CATSPER3: variants seen among roughly 807,000 people sequenced by gnomAD.
The protein encoded by CATSPER3 is cation channel sperm-associated protein 3.
Under a neutral mutation model 36.6 loss-of-function variants are expected in CATSPER3, and 23 were observed. The observed-to-expected ratio is 0.63, with a 90% CI of 0.45 to 0.89. The LOEUF is 0.89. Among genes scored for constraint, CATSPER3 ranks in the 40% least tolerant of loss-of-function variants. The pLI is 0.00. For synonymous variants in CATSPER3, 172 were observed against 184.1 expected (o/e 0.93, Z 0.53); for missense variants, 474 against 503.9 (o/e 0.94, Z 0.57).
intron 3 of CATSPER3, among the ~76,000 whole-genome samples, chr5:135,006,836 G>GAAAAAA (rs35478061): frequency 8.8e-6 from 1 of 113,002 alleles, no homozygotes; most frequent in African/African-American, 3.9e-5. Context: ...ACTCCGTCTC[G>GAAAAAA]AAAAAAAAAA....
In CATSPER3 at chr5:134,996,324, G is replaced by T; in HGVS notation, c.304G>T (p.Val102Phe). 2 of 1,614,080 alleles carry T rather than the reference G, an allele frequency of 1.2e-6. No individual in the cohort carries two copies. Among genetic ancestry groups the T allele is most frequent in the Non-Finnish European group, 1.7e-6 (2 of 1,179,896 alleles). ...CTGCACATCTGAGTTGTCCATGAAG[G>T]TCTATGTGGACCCCATCAACTACTG... The part of the protein sequence containing the change: ...SICTSELSMK[V>F]YVDPINYWKN... Residue 102 changes from valine to phenylalanine, a missense_variant, in exon 3 of 8, where the codon GTC becomes TTC. Val to Phe is a conservative substitution (Grantham distance 50). Coordinates refer to ENST00000282611, the MANE Select transcript of CATSPER3 (RefSeq NM_178019.3).
chr5:134,983,255 G>A (rs915180724), intron 2 of CATSPER3, among the ~76,000 whole-genome samples: 2 of 152,212 alleles, frequency 1.3e-5, no homozygotes, highest in South Asian at 4.1e-4. Context: ...TTAAAAGGCA[G>A]AGATGAACAG....
rs562063395 is a variant in CATSPER3, at chr5:135,001,274, G to T, written c.492+4762G>T. Among the ~76,000 whole-genome samples, 918 of 152,294 alleles carry T rather than the reference G, an allele frequency of 6.0e-3. 10 individuals carry two copies. Among genetic ancestry groups the T allele is most frequent in the African/African-American group, 0.021 (880 of 41,564 alleles). ...TTTTGAGTGAGTTTCTTAATCCTGAGTTCTAGTTTGATTGCACTGTGGTCT... is the reference window on the plus strand; with the variant it reads ...TTTTGAGTGAGTTTCTTAATCCTGATTTCTAGTTTGATTGCACTGTGGTCT... On this transcript the variant is annotated intron_variant, in intron 3 of 7. Coordinates refer to ENST00000282611, the MANE Select transcript of CATSPER3 (RefSeq NM_178019.3).
intron 2 of CATSPER3, 126 bp from the exon 3 acceptor site, chr5:134,996,146 CT>C: frequency 8.4e-7 from 1 of 1,184,290 alleles, no homozygotes; most frequent in South Asian, 1.2e-5. Context: ...GCCAGAAACT[CT>C]GCCTGGGTTT....
intron 3 of CATSPER3, among the ~76,000 whole-genome samples, chr5:134,997,251 C>T (rs1030172776): frequency 3.9e-5 from 6 of 152,190 alleles, no homozygotes; most frequent in Non-Finnish European, 5.9e-5. Flanking sequence ...GGTGGCTGGC[C>T]GTCTAGGGCC....
intron 3 of CATSPER3, among the ~76,000 whole-genome samples, chr5:135,005,496 G>T (rs1329819726): frequency 3.9e-5 from 6 of 152,170 alleles, no homozygotes; most frequent in Admixed American, 3.9e-4. Context: ...AAGTGACCCT[G>T]GATAACATGC....
At chr5:134,990,913 A>G (rs1370751558) in intron 2 of CATSPER3, among the ~76,000 whole-genome samples, 1 of 152,250 alleles carries the variant, frequency 6.6e-6, no homozygotes, top group East Asian at 1.9e-4. Flanking sequence ...AAGTTGCAAG[A>G]TACAAGATTA....
chr5:134,968,703 AAAG>A (rs1363314202), intron 1 of CATSPER3: 8 of 152,138 alleles, frequency 5.3e-5, no homozygotes, highest in African/African-American at 1.7e-4. Context: ...AAAAAAAAAA[AAAG>A]AAAAGGAAAA....
intron 3 of CATSPER3, among the ~76,000 whole-genome samples, chr5:135,004,406 A>G (rs1439494711): frequency 2.6e-5 from 4 of 152,198 alleles, no homozygotes; most frequent in African/African-American, 9.6e-5. Context: ...CAGGCTACAG[A>G]CAGACCTTGC....
chr5:134,982,381 G>C (rs114242621), intron 2 of CATSPER3, among the ~76,000 whole-genome samples: 2,106 of 152,126 alleles, frequency 0.014, 33 homozygotes, highest in African/African-American at 0.048. Flanking sequence ...AACATAAAAA[G>C]AGCCACACTA....
chr5:134,979,328 G>A (rs528397905), intron 2 of CATSPER3, among the ~76,000 whole-genome samples: 1 of 152,130 alleles, frequency 6.6e-6, no homozygotes, highest in South Asian at 2.1e-4. Context: ...GTAGAGATGG[G>A]GTCTCGCTAT....
intron 3 of CATSPER3, among the ~76,000 whole-genome samples, chr5:135,003,775 G>T (rs1752050451): frequency 6.6e-6 from 1 of 152,228 alleles, no homozygotes; most frequent in Non-Finnish European, 1.5e-5. Flanking sequence ...TTAATCTCCT[G>T]GTGTGCCATT....
At chr5:134,968,384 T>C (rs1457415735) in intron 1 of CATSPER3, 24 of 383,898 alleles carry the variant, frequency 6.3e-5, no homozygotes, top group South Asian at 5.4e-4. Flanking sequence ...ATTACATATC[T>C]TGATATATTA....
intron 2 of CATSPER3, among the ~76,000 whole-genome samples, chr5:134,989,110 G>T (rs1462951236): frequency 6.6e-6 from 1 of 152,104 alleles, no homozygotes; most frequent in Non-Finnish European, 1.5e-5. Flanking sequence ...CTGAGCAATA[G>T]GTCTCAACAG....
chr5:134,982,437 T>C (rs1250250968), intron 2 of CATSPER3, among the ~76,000 whole-genome samples: 2 of 152,188 alleles, frequency 1.3e-5, no homozygotes, highest in Non-Finnish European at 2.9e-5. Flanking sequence ...AGTGAGAATC[T>C]TGAAAACAGC....
rs760354968 is a variant in CATSPER3, at chr5:134,967,949, G to C, written c.-43G>C. On this transcript the variant is annotated 5_prime_UTR_variant, in exon 1 of 8. Transcript: ENST00000282611. ...GAAAATCCCTAAGCAGAGATTTTCT[G>C]TTGGATGCTAAAAGCAAGGAATAAA... 25 of 1,441,718 alleles carry C rather than the reference G, an allele frequency of 1.7e-5. No homozygotes were observed. Among genetic ancestry groups the C allele is most frequent in the Non-Finnish European group, 2.4e-5 (25 of 1,023,224 alleles). The allele number at this position is 1,441,718 out of a possible 1,614,324, so 89.3% of individuals were successfully genotyped here.
In CATSPER3 at chr5:135,008,045, T is replaced by G. The variant is rs149130443; in HGVS notation, c.581T>G (p.Leu194Trp). Residue 194 changes from leucine (L) to tryptophan (W), a missense_variant, in exon 4 of 8, where the codon TTG becomes TGG. Physicochemically the swap from Leu to Trp is moderately conservative, Grantham distance 61 (BLOSUM62 -2). Coordinates refer to ENST00000282611, the MANE Select transcript of CATSPER3 (RefSeq NM_178019.3). Reference sequence around the variant, plus strand: ...CTCCTCATGTACATCTTCGCTATCTTGGGCTTCTGCCTGTTTGGATCTCCA... The same window carrying G: ...CTCCTCATGTACATCTTCGCTATCTGGGGCTTCTGCCTGTTTGGATCTCCA... ...LFLLMYIFAI[L>W]GFCLFGSPDN... 6.7e-5 allele frequency: 108 copies of G among 1,614,058 alleles called. No homozygotes were observed. Among genetic ancestry groups the G allele is most frequent in the Non-Finnish European group, 5.0e-5 (59 of 1,180,010 alleles).
chr5:135,007,909 A>C (rs1752110558), intron 3 of CATSPER3, 48 bp from the exon 4 acceptor site: 1 of 1,529,614 alleles, frequency 6.5e-7, no homozygotes, highest in Non-Finnish European at 8.9e-7. Context: ...CCTGGAGCCC[A>C]CCCAGCTTGG....
chr5:135,000,121 G>A (rs1194109860), intron 3 of CATSPER3, among the ~76,000 whole-genome samples: 1 of 152,160 alleles, frequency 6.6e-6, no homozygotes, highest in Non-Finnish European at 1.5e-5. Context: ...AGCATGAAGG[G>A]CTGTTGAATT....
Sources: gnomAD v4.1 joint callset for allele counts (sites outside exome capture counted in the v4.1 genomes callset) on GRCh38, gnomAD v4.1.1 for gene constraint, MANE v1.5 for transcripts, NCBI Gene and HGNC (gene_info 2026-07-23, HGNC 2026-07-21) for gene names.